CEP41: variants seen among roughly 807,000 people sequenced by gnomAD.
CEP41 encodes the protein centrosomal protein 41, also known as centrosomal protein of 41 kDa.
Under a neutral mutation model 44.3 loss-of-function variants are expected in CEP41, and 32 were observed. That is an observed-to-expected ratio of 0.72 (90% CI 0.54 to 0.97). CEP41 has a LOEUF of 0.97. Ranked by LOEUF, CEP41 falls within the 50% of genes least tolerant of loss-of-function variation. The pLI is 0.00. For synonymous variants in CEP41, 151 were observed against 168.5 expected, an observed-to-expected ratio of 0.90 and a Z score of 0.80; for missense variants, 432 against 455.2, an observed-to-expected ratio of 0.95 and a Z score of 0.46.
At position 130,421,382 on chromosome 7, in the gene CEP41, G is replaced by T. The variant is rs968937516; in HGVS notation, c.98-4416C>A. On this transcript the variant is annotated intron_variant, in intron 2 of 10. Coordinates refer to ENST00000223208, the MANE Select transcript of CEP41 (RefSeq NM_018718.3). Reference sequence around the variant, plus strand: ...ATGGAGAAGTTCTCTTGGCTTGGAAGAGCAGAAAGCATGAAAAGAGGCACA... The same window carrying T: ...ATGGAGAAGTTCTCTTGGCTTGGAATAGCAGAAAGCATGAAAAGAGGCACA... The T allele has an allele frequency of 1.3e-5, 13 of 985,322 alleles. No individual in the cohort carries two copies. In the African/African-American group the frequency reaches 2.3e-4, roughly 17 times the overall value. The allele number at this position is 985,322 out of a possible 1,614,324, so 61.0% of individuals were successfully genotyped here.
rs1477873441 is a variant in CEP41, at chr7:130,395,107, TAC to T, written c.*3782_*3783del. 2 of 454,004 alleles carry T rather than the reference TAC, an allele frequency of 4.4e-6. No individual in the cohort carries two copies. Among genetic ancestry groups the T allele is most frequent in the Non-Finnish European group, 8.8e-6 (2 of 226,796 alleles). 28.1% of individuals were successfully genotyped at this position (454,004 alleles called of 1,614,324 possible). On this transcript the variant is annotated 3_prime_UTR_variant, in exon 11 of 11. Transcript: ENST00000223208. ...TTCAAGGCTGACAAATTTCCACCAT[TAC>T]ATTTTTTATGTTGTAACTGACCTGT...
At chr7:130,427,567 C>A (rs1472215824) in intron 2 of CEP41, among the ~76,000 whole-genome samples, 4 of 152,148 alleles carry the variant, frequency 2.6e-5, no homozygotes. Context: ...GCAAACACTG[C>A]ATTGAACAAA....
In CEP41 at chr7:130,400,408, A is replaced by T. The variant is rs546672536; in HGVS notation, c.758-154T>A. The T allele has an allele frequency of 5.6e-4, 387 of 688,896 alleles. 1 individual carries two copies. In the Middle Eastern group the frequency reaches 5.7e-3, roughly 10 times the overall value. The allele number at this position is 688,896 out of a possible 1,614,324, so 42.7% of individuals were successfully genotyped here. ...TTCTTAACTATTTCATCATTAAGCA[A>T]ATTATACCAGAAAATATCTGTTGTT... On this transcript the variant is annotated intron_variant, in intron 9 of 10. Transcript: ENST00000223208.
rs1796601609 is a variant in CEP41, at chr7:130,394,361, T to C, written c.*4530A>G. On this transcript the variant is annotated 3_prime_UTR_variant, in exon 11 of 11. Transcript: ENST00000223208. ...TCATCAGACTGTTGTGGAAATTAAA[T>C]GGGTCAAAACATATAATGAAGAATC... 2.2e-6 allele frequency: 1 copy of C among 454,096 alleles called. No homozygotes were observed. The highest frequency in any genetic ancestry group is 4.4e-6 in the Non-Finnish European group (1 of 226,790). 28.1% of individuals were successfully genotyped at this position (454,096 alleles called of 1,614,324 possible).
In CEP41 at chr7:130,397,964, A is replaced by G. The variant is rs73152870; in HGVS notation, c.*927T>C. ...CTTACGAGGTTGTCAGCCCTGACAA[A>G]GGACTTCGGAGTCCTCTTCACCTTG... On this transcript the variant is annotated 3_prime_UTR_variant, in exon 11 of 11. Coordinates refer to ENST00000223208, the MANE Select transcript of CEP41 (RefSeq NM_018718.3). 9,703 of 454,534 alleles carry G rather than the reference A, an allele frequency of 0.021. 152 individuals are homozygous for G. The highest frequency in any genetic ancestry group is 0.031 in the Non-Finnish European group (6,968 of 226,790). The allele number at this position is 454,534 out of a possible 1,614,324, so 28.2% of individuals were successfully genotyped here.
chr7:130,406,122 A>C (rs1305232277), intron 5 of CEP41, among the ~76,000 whole-genome samples: 2 of 148,362 alleles, frequency 1.3e-5, no homozygotes, highest in African/African-American at 5.0e-5. Context: ...ATAAATAAAT[A>C]CTGTTTCAGT....
At chr7:130,399,320 G>C in intron 10 of CEP41, 1 of 471,410 alleles carries the variant, frequency 2.1e-6, no homozygotes, top group East Asian at 4.1e-5. Context: ...CTACTTCCTT[G>C]GTAGAGAGGA....
chr7:130,421,201 T>C (rs1415121909), intron 2 of CEP41: 6 of 985,198 alleles, frequency 6.1e-6, no homozygotes, highest in Non-Finnish European at 7.2e-6. Context: ...TCCATTGTTT[T>C]CCTATAATTT....
At chr7:130,440,796 TGCA>T in intron 1 of CEP41, 135 bp downstream of exon 1, 1 of 160,044 alleles carries the variant, frequency 6.2e-6, no homozygotes, top group South Asian at 4.1e-5. Context: ...GCCCCGCCCC[TGCA>T]TCCCGACCCC....
At chr7:130,402,179 A>G (rs1584870043) in intron 7 of CEP41, among the ~76,000 whole-genome samples, 1 of 152,010 alleles carries the variant, frequency 6.6e-6, no homozygotes, top group African/African-American at 2.4e-5. Flanking sequence ...CCTCATCTCT[A>G]TAAAAAATAC....
rs1429595957 is a variant in CEP41, at chr7:130,417,040, A to T, written c.98-74T>A. ...GAGTAACACTGTGGAAACAGAATGG[A>T]GGAAAAGTATCCCCTAAGCTTTCCT... On this transcript the variant is annotated intron_variant, in intron 2 of 10. Coordinates refer to ENST00000223208, the MANE Select transcript of CEP41 (RefSeq NM_018718.3). 5 of 1,369,190 alleles carry T rather than the reference A, an allele frequency of 3.7e-6. No homozygotes were observed. The Admixed American group carries it at 5.1e-5, about 14-fold the overall frequency. 84.8% of individuals were successfully genotyped at this position (1,369,190 alleles called of 1,614,324 possible).
intron 8 of CEP41, 95 bp downstream of exon 8, chr7:130,401,786 C>CCTTCA: frequency 1.2e-6 from 1 of 828,802 alleles, no homozygotes; most frequent in East Asian, 2.6e-5. Context: ...TATCAAAGGT[C>CCTTCA]CTTCACAGCA....
intron 2 of CEP41, chr7:130,419,326 A>T (rs1164466730): frequency 6.1e-6 from 6 of 985,346 alleles, no homozygotes; most frequent in Non-Finnish European, 7.2e-6. Context: ...ATGAGATAGC[A>T]GGATGGCTGA....
In CEP41 at chr7:130,432,588, CAAAAAA is replaced by C. The variant is rs56874452; in HGVS notation, c.34-4576_34-4571del. Among the ~76,000 whole-genome samples, 6 of 59,930 alleles carry C rather than the reference CAAAAAA, an allele frequency of 1.0e-4. No homozygotes were observed. The South Asian group carries it at 2.7e-3, about 27-fold the overall frequency. 39.3% of individuals were successfully genotyped at this position (59,930 alleles called of 152,430 possible). On this transcript the variant is annotated intron_variant, in intron 1 of 10. Transcript: ENST00000223208. The stretch of plus-strand genomic sequence containing the variant: ...GCAACACAGGGAAACTTTGTTTCCA[CAAAAAA>C]AAAAAAAAAAAAAAAAAAATTAGCT...
chr7:130,429,134 AT>A (rs1554424489), intron 1 of CEP41, among the ~76,000 whole-genome samples: 1 of 151,906 alleles, frequency 6.6e-6, no homozygotes, highest in Non-Finnish European at 1.5e-5. Context: ...CACCCCTGAG[AT>A]TTTATCCATC....
chr7:130,441,214 C>CT (rs1160501687), upstream of CEP41: 9 of 491,536 alleles, frequency 1.8e-5, no homozygotes, highest in Non-Finnish European at 3.5e-5. Context: ...GTTCTCTGGG[C>CT]TGGGGCTCGC....
chr7:130,417,707 CTAT>C (rs1797376965), intron 2 of CEP41, among the ~76,000 whole-genome samples: 1 of 152,200 alleles, frequency 6.6e-6, no homozygotes, highest in African/African-American at 2.4e-5. Context: ...AAGCCAGGGG[CTAT>C]TATATTTTAC....
At chr7:130,403,005 G>A (rs1584871415) in intron 6 of CEP41, among the ~76,000 whole-genome samples, 1 of 152,202 alleles carries the variant, frequency 6.6e-6, no homozygotes, top group East Asian at 1.9e-4. Context: ...GGACCCCACA[G>A]AGGAGACCCA....
chr7:130,417,204 C>T, intron 2 of CEP41: 4 of 1,327,192 alleles, frequency 3.0e-6, no homozygotes, highest in South Asian at 3.2e-5. Flanking sequence ...ATGCATACCC[C>T]CAAAACATTG....
Sources: gnomAD v4.1 joint callset for allele counts (sites outside exome capture counted in the v4.1 genomes callset) on GRCh38, gnomAD v4.1.1 for gene constraint, MANE v1.5 for transcripts, NCBI Gene and HGNC (gene_info 2026-07-23, HGNC 2026-07-21) for gene names.